The following MED12L variants were observed in gnomAD, a reference collection of about 807,000 sequenced individuals.
MED12L encodes mediator of RNA polymerase II transcription subunit 12-like protein.
A neutral mutation model predicts 281.3 loss-of-function variants in MED12L; 60 were observed. That is an observed-to-expected ratio of 0.21 (90% confidence interval 0.17 to 0.26). MED12L has a LOEUF of 0.26. MED12L is among the 10% of genes least tolerant of loss of function. The pLI, the probability that MED12L is intolerant of heterozygous loss-of-function variation, is 1.00. For synonymous variants in MED12L, 974 were observed against 987.2 expected (o/e 0.99, Z 0.25); for missense variants, 2,146 against 2,680.9 (o/e 0.80, Z 4.41).
At chr3:151,309,147 A>G (rs1346665515) in intron 16 of MED12L, among the ~76,000 whole-genome samples, 4 of 151,638 alleles carry the variant, frequency 2.6e-5, no homozygotes, top group East Asian at 3.9e-4. Flanking sequence ...ACACGCACAC[A>G]CACACACACA....
At position 151,425,566 on chromosome 3, in the gene MED12L, T is replaced by TTGTG. The variant is rs149475948; in HGVS notation, c.6409-4717_6409-4714dup. The TTGTG allele has an allele frequency of 8.6e-3, 3,298 of 381,798 alleles. 55 individuals carry two copies. Among genetic ancestry groups the TTGTG allele is most frequent in the African/African-American group, 0.045 (2,158 of 47,758 alleles). The allele number at this position is 381,798 out of a possible 1,614,324, so 23.7% of individuals were successfully genotyped here. Reference sequence around the variant, plus strand: ...ACAGTAAATACATTTTTGTTTTTGTTTGTGTGTGTGTGTGTGTGTCTGTGT... The same window carrying TTGTG: ...ACAGTAAATACATTTTTGTTTTTGTTTGTGTGTGTGTGTGTGTGTGTGTCTGTGT... On this transcript the variant is annotated intron_variant, in intron 43 of 44. Coordinates refer to ENST00000687756, the MANE Select transcript of MED12L (RefSeq NM_001393769.1).
In MED12L at chr3:151,436,535, GCATTT is replaced by G; in HGVS notation, c.*3732_*3736del. 1 of 583,170 alleles carries G rather than the reference GCATTT, an allele frequency of 1.7e-6. No individual in the cohort carries two copies. The highest frequency in any genetic ancestry group is 3.0e-6 in the Non-Finnish European group (1 of 336,874). 36.1% of individuals were successfully genotyped at this position (583,170 alleles called of 1,614,324 possible). A position where few individuals can be genotyped will look rare whatever the true frequency, so the allele number is the denominator to read the frequency against. ...TAAATCAGTATCATCAGTTCATAAT[GCATTT>G]ATTTACAAGTCCTTTTATTTTGCAT... On this transcript the variant is annotated 3_prime_UTR_variant, in exon 45 of 45. Coordinates refer to ENST00000687756, the MANE Select transcript of MED12L (RefSeq NM_001393769.1).
rs764678106 is a variant in MED12L at position 151,188,479 on chromosome 3, G to A, written c.1752G>A (p.Leu584=). Residue 584 remains leucine, a splice_region_variant and synonymous_variant, in exon 13 of 45, where the codon TTG becomes TTA. Coordinates refer to ENST00000687756, the MANE Select transcript of MED12L (RefSeq NM_001393769.1). Reference sequence around the variant, plus strand: ...TTTTAGATACACAGGCCCCCTCTTTGTGTAAGTAGAGAAAACTCTTTGCCT... The same window carrying A: ...TTTTAGATACACAGGCCCCCTCTTTATGTAAGTAGAGAAAACTCTTTGCCT... ...LRFLDTQAPS[L]SDPNSECEKV... is the part of the protein sequence containing the mutation. The A allele has an allele frequency of 1.2e-6, 2 of 1,608,202 alleles. No homozygotes were observed. Among genetic ancestry groups the A allele is most frequent in the South Asian group, 2.2e-5 (2 of 90,082 alleles).
intron 16 of MED12L, chr3:151,199,189 T>C (rs1725149390): frequency 1.2e-6 from 2 of 1,614,144 alleles, no homozygotes; most frequent in Non-Finnish European, 1.7e-6. Flanking sequence ...TCACTGGTAA[T>C]GCCAGAGTAA....
chr3:151,203,468 T>C (rs1036571341), intron 16 of MED12L, among the ~76,000 whole-genome samples: 3 of 151,954 alleles, frequency 2.0e-5, no homozygotes, highest in Non-Finnish European at 2.9e-5. Flanking sequence ...TTTCAAAGAA[T>C]ATCACTCTTC....
chr3:151,179,081 GGTAATGCCAGCAC>G (rs1722415210), intron 11 of MED12L, among the ~76,000 whole-genome samples: 2 of 152,126 alleles, frequency 1.3e-5, no homozygotes, highest in Non-Finnish European at 2.9e-5. Context: ...GGCTCATACT[GGTAATGCCAGCAC>G]TTTGGAAAGC....
intron 5 of MED12L, among the ~76,000 whole-genome samples, chr3:151,145,078 T>C (rs1442569705): frequency 6.6e-6 from 1 of 152,182 alleles, no homozygotes; most frequent in Non-Finnish European, 1.5e-5. Flanking sequence ...AATAATTCTG[T>C]ATAGGCTAAG....
intron 5 of MED12L, among the ~76,000 whole-genome samples, chr3:151,143,075 T>G (rs1463600280): frequency 6.6e-6 from 1 of 152,214 alleles, no homozygotes; most frequent in Non-Finnish European, 1.5e-5. Flanking sequence ...CATGCATCAT[T>G]CTTTAGTCTC....
intron 16 of MED12L, among the ~76,000 whole-genome samples, chr3:151,346,715 T>C (rs1752590678): frequency 6.6e-6 from 1 of 152,092 alleles, no homozygotes; most frequent in African/African-American, 2.4e-5. Context: ...CCATCTCAGC[T>C]CTCTTAGCCC....
intron 16 of MED12L, among the ~76,000 whole-genome samples, chr3:151,202,815 T>C (rs1725817340): frequency 6.6e-6 from 1 of 152,226 alleles, no homozygotes; most frequent in Non-Finnish European, 1.5e-5. Context: ...ATCTACAACA[T>C]GGCCTCTATC....
At chr3:151,186,617 C>T (rs141171011) in intron 12 of MED12L, among the ~76,000 whole-genome samples, 130 of 152,308 alleles carry the variant, frequency 8.5e-4, no homozygotes, top group Admixed American at 1.4e-3. Context: ...CCAGCCTCTT[C>T]CTGGCATTCC....
At chr3:151,133,384 C>T (rs1576796244) in intron 5 of MED12L, among the ~76,000 whole-genome samples, 1 of 152,158 alleles carries the variant, frequency 6.6e-6, no homozygotes, top group African/African-American at 2.4e-5. Flanking sequence ...CCCTGGGGAG[C>T]TTGCAGTCAG....
intron 16 of MED12L, among the ~76,000 whole-genome samples, chr3:151,196,227 C>T (rs1724635916): frequency 6.6e-6 from 1 of 152,214 alleles, no homozygotes; most frequent in Non-Finnish European, 1.5e-5. Context: ...AACTGCTAGA[C>T]AATTGATATT....
chr3:151,111,954 G>A (rs1375748963), intron 2 of MED12L, among the ~76,000 whole-genome samples: 1 of 152,072 alleles, frequency 6.6e-6, no homozygotes, highest in African/African-American at 2.4e-5. Flanking sequence ...TTTCAGATGT[G>A]TCACTGAAAC....
chr3:151,191,073 C>G, intron 14 of MED12L, 142 bp downstream of exon 14: 1 of 685,664 alleles, frequency 1.5e-6, no homozygotes, highest in East Asian at 2.7e-5. Flanking sequence ...CTCTACTTCT[C>G]GAGCAGGAAA....
At chr3:151,230,054 T>C (rs1193125584) in intron 16 of MED12L, among the ~76,000 whole-genome samples, 2 of 151,822 alleles carry the variant, frequency 1.3e-5, no homozygotes, top group African/African-American at 4.8e-5. Context: ...ACTGCAAGCT[T>C]CGCCTGCTGG....
intron 37 of MED12L, among the ~76,000 whole-genome samples, chr3:151,388,701 A>G (rs1305432261): frequency 6.6e-6 from 1 of 152,184 alleles, no homozygotes. Context: ...TTCAGACTTT[A>G]TAAAAGATGA....
At chr3:151,304,660 A>G (rs1426439388) in intron 16 of MED12L, among the ~76,000 whole-genome samples, 1 of 151,756 alleles carries the variant, frequency 6.6e-6, no homozygotes. Flanking sequence ...TGGAGTGTAT[A>G]GAGCAAGGAT....
chr3:151,325,143 A>G (rs1230085285), intron 16 of MED12L, among the ~76,000 whole-genome samples: 5 of 152,352 alleles, frequency 3.3e-5, no homozygotes, highest in Non-Finnish European at 7.4e-5. Flanking sequence ...TGATTGTTTT[A>G]TAAGTTATGA....
Sources: gnomAD v4.1 joint callset for allele counts (sites outside exome capture counted in the v4.1 genomes callset) on GRCh38, gnomAD v4.1.1 for gene constraint, MANE v1.5 for transcripts, NCBI Gene and HGNC (gene_info 2026-07-23, HGNC 2026-07-21) for gene names.